SLCO1A2: variants seen among roughly 807,000 people sequenced by gnomAD.
SLCO1A2 encodes OATP-1.
A neutral mutation model predicts 69.0 loss-of-function variants in SLCO1A2; 67 were observed. That is an observed-to-expected ratio of 0.97 (90% CI 0.80 to 1.19). SLCO1A2 has a LOEUF of 1.19. Ranked by LOEUF, SLCO1A2 falls within the 50% of genes most tolerant of loss-of-function variation. The pLI, the probability that SLCO1A2 is intolerant of heterozygous loss-of-function variation, is 0.00. For missense variants in SLCO1A2, 787 were observed against 793.7 expected (o/e 0.99, Z 0.10); for synonymous variants, 260 against 265.9 (o/e 0.98, Z 0.22).
At chr12:21,334,289 GC>G (rs1212992291) in intron 2 of SLCO1A2, among the ~76,000 whole-genome samples, 1 of 152,016 alleles carries the variant, frequency 6.6e-6, no homozygotes, top group Non-Finnish European at 1.5e-5. Flanking sequence ...AGTGAGCATG[GC>G]CTTTGATCCA....
At chr12:21,274,929 C>G (rs1008922931) in intron 13 of SLCO1A2, 11 of 1,052,168 alleles carry the variant, frequency 1.0e-5, no homozygotes, top group Non-Finnish European at 1.0e-5. Flanking sequence ...AATCTTCAAA[C>G]AAAGAATAGT....
At chr12:21,418,645 A>G (rs926654121), upstream of SLCO1A2, among the ~76,000 whole-genome samples, 1 of 152,116 alleles carries the variant, frequency 6.6e-6, no homozygotes, top group Non-Finnish European at 1.5e-5. Flanking sequence ...GAACAGTATG[A>G]TGGAAACTGC....
Position 21,314,560 on chromosome 12 carries a change from GA to G in SLCO1A2, c.323del (p.Phe108SerfsTer3), listed in dbSNP as rs1950633728. ...ACTGGAGTACTTACTGGTTCATGAG[GA>G]AATGAGGTAGTGATTTTAAGAAACA... ...LGCFLKSLPHFLMNQYEYEST... is the reference protein window; with the variant it reads ...LGCFLKSLPHXLMNQYEYEST... On this transcript the variant is annotated frameshift_variant, in exon 4 of 15. Coordinates refer to ENST00000683939, the MANE Select transcript of SLCO1A2 (RefSeq NM_001386879.1). LOFTEE classifies it high-confidence loss of function. 2.5e-6 allele frequency: 4 copies of G among 1,614,056 alleles called. No homozygotes were observed. In the Admixed American group the frequency reaches 5.0e-5, roughly 20 times the overall value.
intron 11 of SLCO1A2, among the ~76,000 whole-genome samples, chr12:21,293,238 G>A (rs554029385): frequency 5.1e-4 from 78 of 152,210 alleles, no homozygotes; most frequent in Non-Finnish European, 9.9e-4. Flanking sequence ...GGGAGGTGGA[G>A]GTTGCAGTGA....
In SLCO1A2 at chr12:21,307,139, A is replaced by C. The variant is rs1295081391; in HGVS notation, c.336-151T>G. On this transcript the variant is annotated intron_variant, in intron 4 of 14. Coordinates refer to ENST00000683939, the MANE Select transcript of SLCO1A2 (RefSeq NM_001386879.1). ...CATCCTTGGCATCCAAGTTATCATA[A>C]GTTAATATCATCAAAAAACTTGCCA... 7.5e-5 allele frequency: 40 copies of C among 531,674 alleles called. No individual in the cohort carries two copies. The East Asian group carries it at 1.2e-3, about 15-fold the overall frequency. 32.9% of individuals were successfully genotyped at this position (531,674 alleles called of 1,614,324 possible).
At chr12:21,366,951 A>G (rs1302391196) in intron 2 of SLCO1A2, among the ~76,000 whole-genome samples, 2 of 152,076 alleles carry the variant, frequency 1.3e-5, no homozygotes, top group African/African-American at 4.8e-5. Flanking sequence ...AAAAAATTCA[A>G]AAGTACTTTT....
upstream of SLCO1A2, among the ~76,000 whole-genome samples, chr12:21,335,572 C>T (rs910485672): frequency 3.3e-5 from 5 of 151,968 alleles, no homozygotes; most frequent in Admixed American, 3.3e-4. Flanking sequence ...TTCACTTTGG[C>T]AATATTTATT....
chr12:21,367,406 T>C (rs976367693), intron 2 of SLCO1A2, among the ~76,000 whole-genome samples: 18 of 152,048 alleles, frequency 1.2e-4, no homozygotes, highest in African/African-American at 4.1e-4. Context: ...TACGTAGCAA[T>C]CCTAGAAAGC....
chr12:21,302,671 C>T (rs1048424517), intron 6 of SLCO1A2, among the ~76,000 whole-genome samples: 7 of 151,984 alleles, frequency 4.6e-5, no homozygotes, highest in African/African-American at 1.7e-4. Context: ...ATTCTCCTGT[C>T]TCAGCCTACT....
chr12:21,379,636 G>C (rs1940460857), intron 1 of SLCO1A2: 1 of 152,126 alleles, frequency 6.6e-6, no homozygotes, highest in African/African-American at 2.4e-5. Context: ...ATGAATATCT[G>C]CTTTTCCCTG....
chr12:21,322,792 G>C (rs1951794651), intron 2 of SLCO1A2, among the ~76,000 whole-genome samples: 1 of 152,126 alleles, frequency 6.6e-6, no homozygotes, highest in Admixed American at 6.5e-5. Context: ...TTGCTTTTCA[G>C]GTTAATTTTG....
rs573501696 is a variant in SLCO1A2, at chr12:21,368,572, G to A, written c.-63+5827C>T. On this transcript the variant is annotated intron_variant, in intron 2 of 15. Coordinates refer to the SLCO1A2 transcript ENST00000307378. The stretch of plus-strand genomic sequence containing the variant: ...GTTTAGATGGGATAATGGTTTCAGA[G>A]CTATGTTCTATAAAATGTCCTTATC... 7.2e-5 allele frequency among the ~76,000 whole-genome samples: 11 copies of A among 152,134 alleles called. No individual in the cohort carries two copies. In the East Asian group the frequency reaches 2.1e-3, roughly 29 times the overall value.
chr12:21,339,928 C>T (rs566272373), intron 2 of SLCO1A2, among the ~76,000 whole-genome samples: 2 of 151,808 alleles, frequency 1.3e-5, no homozygotes, highest in Non-Finnish European at 2.9e-5. Context: ...ACCAACACAA[C>T]CATAATCATT....
chr12:21,407,210 AAATACGTG>A (rs1380033803), intron 1 of SLCO1A2, among the ~76,000 whole-genome samples: 1 of 152,224 alleles, frequency 6.6e-6, no homozygotes, highest in Non-Finnish European at 1.5e-5. Context: ...AAGAAGGAAA[AAATACGTG>A]AATATCTAGA....
rs557351416 is a variant in SLCO1A2 at position 21,264,703 on chromosome 12, T to C, written c.*4845A>G. ...TCTTACAGGATTATGCAATAGTGTCTCACACAGAAATGACTCCAAAGCTCT... is the reference window on the plus strand; with the variant it reads ...TCTTACAGGATTATGCAATAGTGTCCCACACAGAAATGACTCCAAAGCTCT... On this transcript the variant is annotated 3_prime_UTR_variant, in exon 15 of 15. Transcript: ENST00000683939. 2 of 152,296 alleles carry C rather than the reference T, an allele frequency of 1.3e-5. No individual in the cohort carries two copies. The highest frequency in any genetic ancestry group is 4.1e-4 in the South Asian group (2 of 4,828). 9.4% of individuals were successfully genotyped at this position (152,296 alleles called of 1,614,324 possible). A position where few individuals can be genotyped will look rare whatever the true frequency, so the allele number is the denominator to read the frequency against.
At chr12:21,406,810 A>T (rs991442451) in intron 1 of SLCO1A2, among the ~76,000 whole-genome samples, 2 of 152,176 alleles carry the variant, frequency 1.3e-5, no homozygotes, top group African/African-American at 2.4e-5. Flanking sequence ...TGTGAAAGAG[A>T]CTTAAAATAA....
intron 1 of SLCO1A2, among the ~76,000 whole-genome samples, chr12:21,405,138 T>C (rs1017574582): frequency 4.0e-5 from 6 of 151,644 alleles, no homozygotes; most frequent in Non-Finnish European, 8.8e-5. Context: ...CTTTGTAAGA[T>C]GCATAGATTG....
intron 11 of SLCO1A2, 36 bp downstream of exon 11, chr12:21,293,908 GC>G: frequency 6.4e-7 from 1 of 1,558,240 alleles, no homozygotes; most frequent in Non-Finnish European, 8.7e-7. Flanking sequence ...AAGTACCAAT[GC>G]AACTCAAAAA....
At chr12:21,312,138 T>C (rs1350366887) in intron 4 of SLCO1A2, among the ~76,000 whole-genome samples, 1 of 152,168 alleles carries the variant, frequency 6.6e-6, no homozygotes, top group Non-Finnish European at 1.5e-5. Flanking sequence ...AAATCTGTTA[T>C]TTAGTGTAGC....
Sources: gnomAD v4.1 joint callset for allele counts (sites outside exome capture counted in the v4.1 genomes callset) on GRCh38, gnomAD v4.1.1 for gene constraint, MANE v1.5 for transcripts, NCBI Gene and HGNC (gene_info 2026-07-23, HGNC 2026-07-21) for gene names.